The following RNF17 variants were observed in gnomAD, a reference collection of about 807,000 sequenced individuals.
RNF17 encodes ring finger protein 17, also known as spermatogenesis associated 23.
In RNF17, 31 loss-of-function variants were observed where a neutral mutation model predicts 200.5. The ratio of observed to expected loss-of-function variants is 0.15; its 90% CI spans 0.12 to 0.21. RNF17 has a LOEUF of 0.21. Ranked by LOEUF, RNF17 falls within the 10% of genes least tolerant of loss-of-function variation. The pLI is 1.00. For synonymous variants in RNF17, 606 were observed against 637.8 expected (o/e 0.95, Z 0.75); for missense variants, 1,628 against 1,905.1 (o/e 0.85, Z 2.71).
chr13:24,868,709 C>T lies in RNF17; in HGVS notation c.4271C>T (p.Pro1424Leu), dbSNP rs1431924807. 1.3e-6 allele frequency: 2 copies of T among 1,492,392 alleles called. No homozygotes were observed. Among genetic ancestry groups the T allele is most frequent in the African/African-American group, 1.4e-5 (1 of 72,368 alleles). 92.4% of individuals were successfully genotyped at this position (1,492,392 alleles called of 1,614,324 possible). Reference sequence around the variant, plus strand: ...GTTCAAGTTAAGCACGTTGTCTCACCTAATGAAGTATGTGATCTAAATGAT... The same window carrying T: ...GTTCAAGTTAAGCACGTTGTCTCACTTAATGAAGTATGTGATCTAAATGAT... ...YAVQVKHVVSPNEVYICLDSI... is the reference protein window; with the variant it reads ...YAVQVKHVVSLNEVYICLDSI... The change falls in exon 31 of 36, where the codon CCT (proline) becomes CTT (leucine). Residue 1424 changes from proline to leucine, a missense_variant. By Grantham distance (98) the Pro-to-Leu change is moderately conservative (BLOSUM62 -3). Transcript: ENST00000255324.
At position 24,850,462 on chromosome 13, in the gene RNF17, T is replaced by C; in HGVS notation, c.3204+19T>C. ...TAGTGAGGTAACAAGTTACAAGAGA[T>C]ATGTGCTGATGATCTCATTAATGTT... On this transcript the variant is annotated intron_variant, in intron 23 of 35. Transcript: ENST00000255324. 7.1e-7 allele frequency: 1 copy of C among 1,414,234 alleles called. No homozygotes were observed. Among genetic ancestry groups the C allele is most frequent in the Non-Finnish European group, 1.0e-6 (1 of 1,000,686 alleles). 87.6% of individuals were successfully genotyped at this position (1,414,234 alleles called of 1,614,324 possible).
At chr13:24,853,670 C>G (rs1892176029) in intron 24 of RNF17, among the ~76,000 whole-genome samples, 185 bp from the exon 25 acceptor site, 1 of 152,052 alleles carries the variant, frequency 6.6e-6, no homozygotes, top group African/African-American at 2.4e-5. Context: ...ATTTTTATTG[C>G]TTTTTCTCAT....
chr13:24,851,968 GAAATGT>G (rs1891943696), intron 24 of RNF17, among the ~76,000 whole-genome samples: 1 of 152,028 alleles, frequency 6.6e-6, no homozygotes, highest in Non-Finnish European at 1.5e-5. Flanking sequence ...GTATTTATAT[GAAATGT>G]AAATGTATTT....
At chr13:24,839,220 TG>T (rs1890351632) in intron 18 of RNF17, among the ~76,000 whole-genome samples, 2 of 152,052 alleles carry the variant, frequency 1.3e-5, no homozygotes, top group Non-Finnish European at 2.9e-5. Flanking sequence ...GAATCAATAT[TG>T]GATGGGTAGA....
At chr13:24,825,803 G>T in intron 16 of RNF17, 31 bp downstream of exon 16, 1 of 1,593,862 alleles carries the variant, frequency 6.3e-7, no homozygotes, top group East Asian at 2.2e-5. Flanking sequence ...TCTACAGGGA[G>T]ATGTCATACT....
chr13:24,861,125 C>A, intron 26 of RNF17, 143 bp from the exon 27 acceptor site: 1 of 578,930 alleles, frequency 1.7e-6, no homozygotes, highest in Non-Finnish European at 2.8e-6. Flanking sequence ...ACAATCCACC[C>A]ACCTCTGCCT....
chr13:24,844,906 A>G (rs368050631), intron 21 of RNF17, 55 bp from the exon 22 acceptor site: 2 of 1,561,622 alleles, frequency 1.3e-6, no homozygotes, highest in Admixed American at 3.6e-5. Flanking sequence ...CAGTTTGCCA[A>G]AAAAATATTT....
chr13:24,786,127 AT>A (rs1239348007), intron 6 of RNF17, among the ~76,000 whole-genome samples: 1 of 151,170 alleles, frequency 6.6e-6, no homozygotes, highest in African/African-American at 2.4e-5. Context: ...TGTTTACTTG[AT>A]TTTTTTCTTT....
At chr13:24,881,138 T>C (rs969164219), downstream of RNF17, among the ~76,000 whole-genome samples, 2 of 152,062 alleles carry the variant, frequency 1.3e-5, no homozygotes, top group African/African-American at 4.8e-5. Flanking sequence ...ACAGAAATGT[T>C]CGTTCATTTA....
chr13:24,805,048 T>G (rs1456922940), intron 15 of RNF17, among the ~76,000 whole-genome samples: 1 of 152,090 alleles, frequency 6.6e-6, no homozygotes, highest in Non-Finnish European at 1.5e-5. Context: ...ATCACACAGC[T>G]CTGAAAGGGT....
intron 3 of RNF17, among the ~76,000 whole-genome samples, chr13:24,776,174 T>C (rs1247532854): frequency 1.3e-5 from 2 of 152,224 alleles, no homozygotes; most frequent in Non-Finnish European, 2.9e-5. Context: ...TCCTGCAGAT[T>C]CTGACTTCTA....
intron 15 of RNF17, among the ~76,000 whole-genome samples, chr13:24,806,844 T>C (rs1454768583): frequency 7.2e-6 from 1 of 138,930 alleles, no homozygotes; most frequent in African/African-American, 2.7e-5. Context: ...TTCCCCTTCC[T>C]GTGTCCATGT....
intron 6 of RNF17, among the ~76,000 whole-genome samples, chr13:24,787,747 C>T (rs996380907): frequency 6.6e-6 from 1 of 152,160 alleles, no homozygotes; most frequent in Non-Finnish European, 1.5e-5. Context: ...ATTATGTATA[C>T]ATAGCTTTTA....
In RNF17 at chr13:24,771,323, CTTTTTTTTTTT is replaced by C. The variant is rs35220494; in HGVS notation, c.226-3473_226-3463del. Among the ~76,000 whole-genome samples, 15 of 78,018 alleles carry C rather than the reference CTTTTTTTTTTT, an allele frequency of 1.9e-4. 1 individual carries two copies. Among genetic ancestry groups the C allele is most frequent in the Admixed American group, 1.3e-3 (6 of 4,764 alleles). The allele number at this position is 78,018 out of a possible 152,430, so 51.2% of individuals were successfully genotyped here. A position where few individuals can be genotyped will look rare whatever the true frequency, so the allele number is the denominator to read the frequency against. On this transcript the variant is annotated intron_variant, in intron 2 of 35. Transcript: ENST00000255324. ...GGGAGTACCACTGCACACAGATAAT[CTTTTTTTTTTT>C]TTTTTTTTTTTTTTTTGGAAGAGGT...
chr13:24,861,442 T>C (rs2138318892), intron 27 of RNF17, 55 bp downstream of exon 27: 1 of 1,197,288 alleles, frequency 8.4e-7, no homozygotes, highest in East Asian at 2.9e-5. Flanking sequence ...TTTTTATTAA[T>C]AATTTTTTAG....
chr13:24,816,354 A>G (rs889084524), intron 15 of RNF17, among the ~76,000 whole-genome samples: 2 of 152,114 alleles, frequency 1.3e-5, no homozygotes, highest in Admixed American at 6.5e-5. Flanking sequence ...GAGTTATACC[A>G]CCTCATCTTT....
intron 18 of RNF17, among the ~76,000 whole-genome samples, chr13:24,839,290 G>T (rs1890359910): frequency 6.6e-6 from 1 of 152,000 alleles, no homozygotes; most frequent in African/African-American, 2.4e-5. Context: ...AATGAATATT[G>T]TGAAAATGAC....
intron 32 of RNF17, among the ~76,000 whole-genome samples, chr13:24,872,731 C>G (rs1003850252): frequency 1.3e-5 from 2 of 152,042 alleles, no homozygotes; most frequent in African/African-American, 4.8e-5. Context: ...GTTACTAGGG[C>G]TTTGTTGGTC....
At chr13:24,810,150 A>G (rs1199619180) in intron 15 of RNF17, among the ~76,000 whole-genome samples, 12 of 151,114 alleles carry the variant, frequency 7.9e-5, no homozygotes, top group Non-Finnish European at 1.2e-4. Context: ...GTAGATGTCT[A>G]TTAGATCCGC....
Sources: gnomAD v4.1 joint callset for allele counts (sites outside exome capture counted in the v4.1 genomes callset) on GRCh38, gnomAD v4.1.1 for gene constraint, MANE v1.5 for transcripts, NCBI Gene and HGNC (gene_info 2026-07-23, HGNC 2026-07-21) for gene names.